The following MDGA2 variants were observed in gnomAD, a reference collection of about 807,000 sequenced individuals.
MDGA2 encodes MAM domain-containing glycosylphosphatidylinositol anchor protein 2.
In MDGA2, 40 loss-of-function variants were observed where a neutral mutation model predicts 117.8. The ratio of observed to expected loss-of-function variants is 0.34; its 90% CI spans 0.26 to 0.44. The LOEUF is 0.44. Ranked by LOEUF, MDGA2 falls within the 20% of genes least tolerant of loss-of-function variation. The pLI is 1.00. For synonymous variants in MDGA2, 452 were observed against 439.0 expected, an observed-to-expected ratio of 1.03 and a Z score of -0.37; for missense variants, 1,123 against 1,250.6, an observed-to-expected ratio of 0.90 and a Z score of 1.54.
At chr14:47,658,539 T>C (rs1897786992) in intron 1 of MDGA2, among the ~76,000 whole-genome samples, 1 of 152,162 alleles carries the variant, frequency 6.6e-6, no homozygotes, top group Admixed American at 6.5e-5. Context: ...CATCCTCTTT[T>C]GTGAGTTTCC....
intron 5 of MDGA2, among the ~76,000 whole-genome samples, chr14:47,124,868 A>T (rs900469294): frequency 1.3e-5 from 2 of 152,120 alleles, no homozygotes; most frequent in Admixed American, 1.3e-4. Context: ...ACCAGAAACC[A>T]ACCCTGATGG....
intron 1 of MDGA2, among the ~76,000 whole-genome samples, chr14:47,606,895 A>G (rs1896753132): frequency 6.6e-6 from 1 of 152,166 alleles, no homozygotes; most frequent in African/African-American, 2.4e-5. Context: ...TTAATGAGTA[A>G]TACAAAAAAT....
intron 14 of MDGA2, among the ~76,000 whole-genome samples, chr14:46,865,907 G>C (rs1218478972): frequency 6.6e-6 from 1 of 150,820 alleles, no homozygotes; most frequent in Middle Eastern, 3.2e-3. Flanking sequence ...CAAACAAATG[G>C]AAGAACATTC....
At chr14:47,463,527 G>A (rs1422486629) in intron 1 of MDGA2, among the ~76,000 whole-genome samples, 2 of 152,062 alleles carry the variant, frequency 1.3e-5, no homozygotes, top group Non-Finnish European at 2.9e-5. Context: ...AAGTCAATTG[G>A]GTTTCATGTG....
At chr14:47,233,967 T>C (rs1467381891) in intron 2 of MDGA2, among the ~76,000 whole-genome samples, 2 of 152,148 alleles carry the variant, frequency 1.3e-5, no homozygotes, top group Non-Finnish European at 2.9e-5. Context: ...TTCAGCCTGT[T>C]TGTTGCCTCC....
chr14:47,294,784 T>C (rs1165120662), intron 2 of MDGA2, among the ~76,000 whole-genome samples: 1 of 152,086 alleles, frequency 6.6e-6, no homozygotes, highest in African/African-American at 2.4e-5. Flanking sequence ...CAAAGAACAA[T>C]ACATGTAGCA....
At chr14:46,859,075 A>C (rs567533302) in intron 14 of MDGA2, among the ~76,000 whole-genome samples, 3 of 152,234 alleles carry the variant, frequency 2.0e-5, no homozygotes, top group Admixed American at 2.0e-4. Context: ...CAATCTCTAA[A>C]TCTGTCTTAC....
intron 4 of MDGA2, among the ~76,000 whole-genome samples, chr14:47,134,127 C>A (rs1882340999): frequency 6.6e-6 from 1 of 151,942 alleles, no homozygotes; most frequent in Admixed American, 6.6e-5. Context: ...TTGTTAAATA[C>A]ATGAAATCTA....
At chr14:47,603,640 T>C (rs764508308) in intron 1 of MDGA2, among the ~76,000 whole-genome samples, 1 of 152,148 alleles carries the variant, frequency 6.6e-6, no homozygotes, top group Non-Finnish European at 1.5e-5. Context: ...TCTCTGTTTC[T>C]CTTGTTCTCT....
At chr14:47,133,841 C>A (rs530564926) in intron 4 of MDGA2, among the ~76,000 whole-genome samples, 1 of 151,902 alleles carries the variant, frequency 6.6e-6, no homozygotes, top group Non-Finnish European at 1.5e-5. Context: ...CATGTTCAAT[C>A]CCAATTATTC....
chr14:47,349,543 C>T (rs1890833020), intron 1 of MDGA2, among the ~76,000 whole-genome samples: 1 of 152,198 alleles, frequency 6.6e-6, no homozygotes, highest in Admixed American at 6.5e-5. Context: ...AGCAACTATA[C>T]TATCTCCTTA....
At chr14:47,436,197 G>C (rs1326052232) in intron 1 of MDGA2, among the ~76,000 whole-genome samples, 1 of 152,076 alleles carries the variant, frequency 6.6e-6, no homozygotes, top group Non-Finnish European at 1.5e-5. Context: ...TTGAGAAGTT[G>C]TCTTTCTAAC....
At chr14:47,637,073 G>A (rs890635985) in intron 1 of MDGA2, among the ~76,000 whole-genome samples, 4 of 152,030 alleles carry the variant, frequency 2.6e-5, no homozygotes, top group Non-Finnish European at 5.9e-5. Context: ...TAATAAATAT[G>A]TACACCCCTT....
chr14:46,955,719 A>G (rs1885539811), intron 9 of MDGA2, among the ~76,000 whole-genome samples: 1 of 147,472 alleles, frequency 6.8e-6, no homozygotes, highest in Non-Finnish European at 1.5e-5. Flanking sequence ...TTTTAGTTCA[A>G]TTCCGTACAT....
At chr14:46,921,635 G>C (rs1296339168) in intron 9 of MDGA2, among the ~76,000 whole-genome samples, 1 of 149,372 alleles carries the variant, frequency 6.7e-6, no homozygotes, top group East Asian at 2.0e-4. Context: ...AAAAAGAAAA[G>C]AAAAAAAAGA....
At chr14:46,994,299 C>T (rs72678412) in intron 8 of MDGA2, among the ~76,000 whole-genome samples, 21,051 of 152,034 alleles carry the variant, frequency 0.14, 1,552 homozygotes, top group Admixed American at 0.22. Flanking sequence ...TTCTTCCCTA[C>T]AATAATCTGT....
chr14:47,667,007 A>C (rs906269204), intron 1 of MDGA2, among the ~76,000 whole-genome samples: 4 of 152,284 alleles, frequency 2.6e-5, no homozygotes, highest in Non-Finnish European at 5.9e-5. Context: ...AAACATCAGA[A>C]GGAACAAACT....
In MDGA2 at chr14:47,112,139, G is replaced by A. The variant is rs113176306; in HGVS notation, c.926-15016C>T. ...AGTTTATTCAACAGTAAAAAAAAGC[G>A]GGAGAGGAAAGAAAGATAAAAGAAA... On this transcript the variant is annotated intron_variant, in intron 5 of 16. Coordinates refer to ENST00000399232, the MANE Select transcript of MDGA2 (RefSeq NM_001113498.3). Among the ~76,000 whole-genome samples, 273 of 147,348 alleles carry A rather than the reference G, an allele frequency of 1.9e-3. 3 individuals are homozygous for A. The highest frequency in any genetic ancestry group is 6.7e-3 in the African/African-American group (262 of 39,292).
At chr14:47,386,179 G>A (rs1891753054) in intron 1 of MDGA2, among the ~76,000 whole-genome samples, 1 of 152,052 alleles carries the variant, frequency 6.6e-6, no homozygotes, top group African/African-American at 2.4e-5. Context: ...CTACTCAGGA[G>A]GCTGAGGCAG....
Sources: allele counts gnomAD v4.1 joint callset (sites outside exome capture counted in the v4.1 genomes callset), GRCh38; gene constraint gnomAD v4.1.1; transcripts MANE v1.5; gene names NCBI Gene and HGNC (gene_info 2026-07-23, HGNC 2026-07-21).